NTN1: variants seen among roughly 807,000 people sequenced by gnomAD.
The protein encoded by NTN1 is netrin 1.
A neutral mutation model predicts 54.2 loss-of-function variants in NTN1; 11 were observed. The observed-to-expected ratio is 0.20, with a 90% CI of 0.13 to 0.34. The LOEUF is 0.34. Ranked by LOEUF, NTN1 falls within the 10% of genes least tolerant of loss-of-function variation. The probability of loss-of-function intolerance (pLI) is 1.00; values close to 1 mark genes in which losing one functional copy is unlikely to be tolerated. For missense variants in NTN1, 740 were observed against 893.1 expected (o/e 0.83, Z 2.18); for synonymous variants, 371 against 382.0 (o/e 0.97, Z 0.33).
the NTN1 span, among the ~76,000 whole-genome samples, chr17:9,009,339 C>T: frequency 3.2e-3 from 484 of 152,318 alleles, no homozygotes; most frequent in African/African-American, 0.011. Context: ...AAAGCAGGTG[C>T]TTGGCCAGAG....
intron 2 of NTN1, among the ~76,000 whole-genome samples, chr17:9,055,089 C>T (rs1425989651): frequency 6.6e-6 from 1 of 152,162 alleles, no homozygotes; most frequent in African/African-American, 2.4e-5. Flanking sequence ...GGGTTTCAGC[C>T]TCTCTGAGCG....
At chr17:9,182,687 T>C (rs2092422005) in intron 4 of NTN1, among the ~76,000 whole-genome samples, 1 of 152,080 alleles carries the variant, frequency 6.6e-6, no homozygotes, top group Non-Finnish European at 1.5e-5. Context: ...CTGCCTTCTC[T>C]CCACACCCCC....
intron 5 of NTN1, among the ~76,000 whole-genome samples, chr17:9,214,482 A>G (rs570530677): frequency 7.6e-4 from 115 of 152,186 alleles, no homozygotes; most frequent in Middle Eastern, 3.4e-3. Context: ...TCTTGTTTTC[A>G]TTTGCTGATA....
intron 6 of NTN1, among the ~76,000 whole-genome samples, chr17:9,223,289 C>G (rs781183885): frequency 7.2e-5 from 11 of 152,146 alleles, no homozygotes; most frequent in Non-Finnish European, 1.6e-4. Context: ...TGGTGGCTCA[C>G]GCCTGTAATC....
chr17:9,231,362 C>T (rs979864576), intron 6 of NTN1, among the ~76,000 whole-genome samples: 3 of 152,218 alleles, frequency 2.0e-5, no homozygotes, highest in African/African-American at 7.2e-5. Context: ...AAGCCCTGAC[C>T]CCTGAGTCAG....
intron 2 of NTN1, among the ~76,000 whole-genome samples, chr17:9,062,829 G>A (rs1426018582): frequency 6.6e-6 from 1 of 152,056 alleles, no homozygotes; most frequent in Non-Finnish European, 1.5e-5. Flanking sequence ...GTGTCACAAC[G>A]TCAGCTCGTA....
chr17:9,237,848 C>T (rs1037520020), intron 6 of NTN1, among the ~76,000 whole-genome samples: 1 of 152,014 alleles, frequency 6.6e-6, no homozygotes, highest in Non-Finnish European at 1.5e-5. Context: ...CTGGAGGGCT[C>T]CCCCCACCCA....
At chr17:9,014,668 G>T in the NTN1 span, among the ~76,000 whole-genome samples, 94 of 152,310 alleles carry the variant, frequency 6.2e-4, no homozygotes, top group African/African-American at 2.1e-3. Flanking sequence ...AAATCCTCCT[G>T]GTCACCTCTG....
At chr17:9,194,608 CTTCCTACTGGA>C (rs1904572463) in intron 5 of NTN1, among the ~76,000 whole-genome samples, 1 of 152,210 alleles carries the variant, frequency 6.6e-6, no homozygotes, top group Admixed American at 6.5e-5. Flanking sequence ...TCCCTGGCCT[CTTCCTACTGGA>C]TGCCAGCACC....
intron 2 of NTN1, among the ~76,000 whole-genome samples, chr17:9,136,603 AAAAG>A (rs2092282359): frequency 1.3e-5 from 2 of 152,326 alleles, no homozygotes; most frequent in African/African-American, 4.8e-5. Context: ...AAAAAGAAAA[AAAAG>A]AAAAAAGAGC....
intron 2 of NTN1, among the ~76,000 whole-genome samples, chr17:9,114,156 A>ATATATACATATATAT (rs1343963464): frequency 1.1e-5 from 1 of 87,266 alleles, no homozygotes; most frequent in African/African-American, 4.4e-5. Context: ...AAAAAAAGAA[A>ATATATACATATATAT]AAAAAAAAAA....
chr17:9,227,708 ACG>A, intron 6 of NTN1, among the ~76,000 whole-genome samples: 1 of 149,218 alleles, frequency 6.7e-6, no homozygotes, highest in African/African-American at 2.5e-5. Context: ...CACGTATCAC[ACG>A]CACACACACC....
intron 2 of NTN1, among the ~76,000 whole-genome samples, chr17:9,137,337 T>G (rs2092284208): frequency 6.6e-6 from 1 of 152,176 alleles, no homozygotes; most frequent in South Asian, 2.1e-4. Context: ...GGGCAGTGAC[T>G]GTCTGCTGAG....
chr17:9,147,558 G>A (rs181717388), intron 2 of NTN1, among the ~76,000 whole-genome samples: 15 of 152,296 alleles, frequency 9.8e-5, no homozygotes, highest in African/African-American at 3.6e-4. Context: ...AAACCTGTAA[G>A]GATCTGACAT....
chr17:9,130,759 C>G (rs2092262135), intron 2 of NTN1, among the ~76,000 whole-genome samples: 1 of 152,310 alleles, frequency 6.6e-6, no homozygotes, highest in South Asian at 2.1e-4. Context: ...TGTCATTACC[C>G]TACCCTGATT....
intron 2 of NTN1, among the ~76,000 whole-genome samples, chr17:9,124,286 G>A (rs1377480227): frequency 1.3e-5 from 2 of 152,248 alleles, no homozygotes; most frequent in Non-Finnish European, 2.9e-5. Flanking sequence ...ATTCAGGGTG[G>A]AAATGTGGCA....
intron 3 of NTN1, chr17:9,174,550 C>T (rs377059402): frequency 1.3e-5 from 2 of 152,408 alleles, no homozygotes; most frequent in East Asian, 3.9e-4. Flanking sequence ...CTGCTCCAGG[C>T]CTCTTTCCTT....
the NTN1 span, among the ~76,000 whole-genome samples, chr17:9,016,052 C>T: frequency 3.5e-4 from 53 of 151,576 alleles, 1 homozygote; most frequent in African/African-American, 1.2e-3. Context: ...CCAGCCTGGG[C>T]GACAAGAGCA....
Position 9,221,348 on chromosome 17 carries a change from A to T in NTN1, c.1486+106A>T, listed in dbSNP as rs1197538745. 7 of 835,974 alleles carry T rather than the reference A, an allele frequency of 8.4e-6. No homozygotes were observed. Among genetic ancestry groups the T allele is most frequent in the Non-Finnish European group, 1.5e-5 (7 of 479,478 alleles). The allele number at this position is 835,974 out of a possible 1,614,324, so 51.8% of individuals were successfully genotyped here. ...CCCCCGATGGGTGTTGGTCGTGAAGACCCTGTGACCGATGGGAACTAGCCG... is the reference window on the plus strand; with the variant it reads ...CCCCCGATGGGTGTTGGTCGTGAAGTCCCTGTGACCGATGGGAACTAGCCG... On this transcript the variant is annotated intron_variant, in intron 6 of 6. Coordinates refer to ENST00000173229, the MANE Select transcript of NTN1 (RefSeq NM_004822.3). This position sits in a 1 kb window ranked among gnomAD's most constrained non-coding sequence, Gnocchi z 4.5.
Sources: allele counts gnomAD v4.1 joint callset (sites outside exome capture counted in the v4.1 genomes callset), GRCh38; gene constraint gnomAD v4.1.1; non-coding constraint Gnocchi (gnomAD v3.1); transcripts MANE v1.5; gene names NCBI Gene and HGNC (gene_info 2026-07-23, HGNC 2026-07-21).